TACO1: variants seen among roughly 807,000 people sequenced by gnomAD.
The protein encoded by TACO1 is translational activator of cytochrome c oxidase I, also known as translational activator of cytochrome c oxidase 1.
A neutral mutation model predicts 24.0 loss-of-function variants in TACO1; 13 were observed. That is an observed-to-expected ratio of 0.54 (90% confidence interval 0.35 to 0.86). TACO1 has a LOEUF of 0.86. Ranked by LOEUF, TACO1 falls within the 40% of genes least tolerant of loss-of-function variation. The pLI is 0.01. For synonymous variants in TACO1, 149 were observed against 153.5 expected (o/e 0.97, Z 0.22); for missense variants, 352 against 380.1 (o/e 0.93, Z 0.61).
chr17:63,601,547 C>T (rs2147786344), intron 1 of TACO1, among the ~76,000 whole-genome samples, 184 bp downstream of exon 1: 1 of 152,330 alleles, frequency 6.6e-6, no homozygotes, highest in East Asian at 1.9e-4. Context: ...GAGGTTCTCA[C>T]TCACTTTTCC....
chr17:63,607,891 C>A lies in TACO1; in HGVS notation c.783C>A (p.Ile261=), dbSNP rs757431723. The change falls in exon 5 of 5, where the codon ATC becomes ATA. Residue 261 remains isoleucine (I), a synonymous_variant. Transcript: ENST00000258975. ...LCSVSCALEF[I]PNSKVQLAEP... is the part of the protein sequence containing the mutation. ...CTGTGTCCTGTGCACTAGAGTTCAT[C>A]CCCAACTCAAAGGTGCAGCTGGCTG... 6 of 1,614,232 alleles carry A rather than the reference C, an allele frequency of 3.7e-6. No homozygotes were observed. Among genetic ancestry groups the A allele is most frequent in the African/African-American group, 1.3e-5 (1 of 75,060 alleles).
At chr17:63,601,386 G>T (rs758722515) in intron 1 of TACO1, 23 bp downstream of exon 1, 1 of 1,609,306 alleles carries the variant, frequency 6.2e-7, no homozygotes, top group South Asian at 1.1e-5. Flanking sequence ...CGGTCACCCA[G>T]CACTGGCTGC....
chr17:63,601,416 G>T, intron 1 of TACO1, 53 bp downstream of exon 1: 1 of 1,593,876 alleles, frequency 6.3e-7, no homozygotes, highest in Non-Finnish European at 8.5e-7. Flanking sequence ...CTCAGTGCCC[G>T]CAGCCTCGCT....
In TACO1 at chr17:63,606,336, G is replaced by A. The variant is rs1004127096; in HGVS notation, c.411G>A (p.Leu137=). The change falls in exon 3 of 5, where the codon CTG becomes CTA. Residue 137 remains leucine, a synonymous_variant. Transcript: ENST00000258975. ...KMEKSKDTYL[L]YEGRGPGGSS... ...AGAAATCCAAGGACACTTATTTGCT[G>A]TATGAGGGTCGAGGCCCTGGTGGCT... 12 of 1,613,736 alleles carry A rather than the reference G, an allele frequency of 7.4e-6. No individual in the cohort carries two copies. Among genetic ancestry groups the A allele is most frequent in the Admixed American group, 3.3e-5 (2 of 60,000 alleles).
chr17:63,607,071 A>G (rs1172122651), intron 3 of TACO1: 11 of 599,492 alleles, frequency 1.8e-5, no homozygotes, highest in Non-Finnish European at 3.0e-5. Context: ...CTTCCTCCCA[A>G]CTGCAATCAG....
chr17:63,603,275 A>G (rs1161840738), intron 1 of TACO1, among the ~76,000 whole-genome samples: 1 of 152,084 alleles, frequency 6.6e-6, no homozygotes, highest in Middle Eastern at 3.2e-3. Flanking sequence ...AAAAATAATT[A>G]TTATGCACAA....
chr17:63,607,218 T>A (rs1012515662), intron 3 of TACO1, 69 bp from the exon 4 acceptor site: 2 of 1,384,304 alleles, frequency 1.4e-6, no homozygotes, highest in African/African-American at 2.8e-5. Context: ...AGTGATAGAA[T>A]GATGAGCTTT....
Position 63,608,219 on chromosome 17 carries a change from C to T in TACO1, c.*217C>T, listed in dbSNP as rs1420190814. On this transcript the variant is annotated 3_prime_UTR_variant, in exon 5 of 5. Coordinates refer to ENST00000258975, the MANE Select transcript of TACO1 (RefSeq NM_016360.4). Reference sequence around the variant, plus strand: ...TCTCAGAGCCATCTGGATGAGTGTCCCGACACCCTCTCGGATGCAGGGCAG... The same window carrying T: ...TCTCAGAGCCATCTGGATGAGTGTCTCGACACCCTCTCGGATGCAGGGCAG... The T allele has an allele frequency of 4.9e-6, 3 of 615,990 alleles. No individual in the cohort carries two copies. Among genetic ancestry groups the T allele is most frequent in the Non-Finnish European group, 8.7e-6 (3 of 343,032 alleles). 38.2% of individuals were successfully genotyped at this position (615,990 alleles called of 1,614,324 possible).
chr17:63,605,624 C>T (rs1390506868), intron 2 of TACO1, among the ~76,000 whole-genome samples: 3 of 152,176 alleles, frequency 2.0e-5, no homozygotes, highest in Non-Finnish European at 4.4e-5. Flanking sequence ...AACCGTTATG[C>T]TTATTGCCTT....
In TACO1 at chr17:63,606,377, A is replaced by C. The variant is rs1478656371; in HGVS notation, c.452A>C (p.Glu151Ala). 2 of 1,614,144 alleles carry C rather than the reference A, an allele frequency of 1.2e-6. No homozygotes were observed. The highest frequency in any genetic ancestry group is 3.3e-5 in the Admixed American group (2 of 60,012). ...RGPGGSSLLI[E>A]ALSNSSHKCQ... ...CCTGGTGGCTCTTCTCTGCTCATCG[A>C]GGCATTATCTAACAGTAGCCACAAG... The change falls in exon 3 of 5, where the codon GAG becomes GCG. Residue 151 changes from glutamate (E) to alanine (A), a missense_variant. Transcript: ENST00000258975.
rs1360668401 is a variant in TACO1, at chr17:63,602,280, A to AG, written c.280+917_280+918insG. On this transcript the variant is annotated intron_variant, in intron 1 of 4. Transcript: ENST00000258975. ...TCCATCTCAAAAAAAAAAAAAAAAA[A>AG]AGAGAGAGAAACTGTGGACTTTGGA... Among the ~76,000 whole-genome samples the AG allele has an allele frequency of 6.6e-3, 994 of 149,724 alleles. 18 individuals carry two copies. Among genetic ancestry groups the AG allele is most frequent in the African/African-American group, 0.024 (958 of 39,980 alleles).
At position 63,608,002 on chromosome 17, in the gene TACO1, A is replaced by G. The variant is rs1362799884; in HGVS notation, c.894A>G (p.Ter298=). 2 of 1,614,022 alleles carry G rather than the reference A, an allele frequency of 1.2e-6. No homozygotes were observed. Among genetic ancestry groups the G allele is most frequent in the South Asian group, 1.1e-5 (1 of 91,068 alleles). ...TTCACGTCTATGATAACATTGAATA[A>G]CCAGGCTACATGTGCCCCCGGGTTC... ...DVIHVYDNIE[*] is the part of the protein sequence containing the mutation. The change falls in exon 5 of 5, where the codon TAA becomes TAG. Residue 298 remains the stop codon, a stop_retained_variant. Transcript: ENST00000258975.
intron 4 of TACO1, 134 bp downstream of exon 4, chr17:63,607,598 A>G (rs2033872865): frequency 4.8e-6 from 5 of 1,034,500 alleles, no homozygotes; most frequent in Non-Finnish European, 7.4e-6. Context: ...ACAAACATTT[A>G]TTAAGTGAAT....
rs373477939 is a variant in TACO1, at chr17:63,601,677, A to T, written c.280+314A>T. ...GTACTTAATAGAAACAAGCCCTAAGAGTCAGGGCAGATGTGTGTCTCTCCT... is the reference window on the plus strand; with the variant it reads ...GTACTTAATAGAAACAAGCCCTAAGTGTCAGGGCAGATGTGTGTCTCTCCT... On this transcript the variant is annotated intron_variant, in intron 1 of 4. Transcript: ENST00000258975. Among the ~76,000 whole-genome samples, 11 of 152,292 alleles carry T rather than the reference A, an allele frequency of 7.2e-5. No homozygotes were observed. The South Asian group carries it at 2.1e-3, about 29-fold the overall frequency.
At chr17:63,603,948 G>A (rs1002141972) in intron 1 of TACO1, among the ~76,000 whole-genome samples, 5 of 151,842 alleles carry the variant, frequency 3.3e-5, no homozygotes, top group African/African-American at 9.7e-5. Flanking sequence ...GAACCCTGGA[G>A]GTTGAGGCTA....
At chr17:63,601,501 C>A in intron 1 of TACO1, 138 bp downstream of exon 1, 2 of 957,312 alleles carry the variant, frequency 2.1e-6, no homozygotes, top group Non-Finnish European at 3.2e-6. Flanking sequence ...CACCATTGCC[C>A]ACCTCATAAA....
Position 63,608,272 on chromosome 17 carries a change from TTGGGTAGCTGGCCTCTG to T in TACO1, c.*275_*291del, listed in dbSNP as rs59132671. The T allele has an allele frequency of 6.8e-3, 3,495 of 517,198 alleles. 88 individuals carry two copies. Among genetic ancestry groups the T allele is most frequent in the African/African-American group, 0.06 (3,151 of 52,090 alleles). The allele number at this position is 517,198 out of a possible 1,614,324, so 32.0% of individuals were successfully genotyped here. On this transcript the variant is annotated 3_prime_UTR_variant, in exon 5 of 5. Coordinates refer to ENST00000258975, the MANE Select transcript of TACO1 (RefSeq NM_016360.4). ...CCACCCAGCTGGTCAGACTCTGATG[TTGGGTAGCTGGCCTCTG>T]TGGGGATTGTAAGTGCCCTGAGGCG... is the stretch of plus-strand genomic sequence containing the variant.
chr17:63,605,721 G>C (rs1197912812), intron 2 of TACO1, among the ~76,000 whole-genome samples: 1 of 152,182 alleles, frequency 6.6e-6, no homozygotes, highest in Non-Finnish European at 1.5e-5. Context: ...GAAAGAGGAA[G>C]GGAGAAGTTA....
Position 63,601,181 on chromosome 17 carries a change from G to T in TACO1, c.98G>T (p.Arg33Leu), listed in dbSNP as rs863224231. ...GVRAAPPRDP[R>L]PSHPEPRGCG... ...AGGGCGGCTCCTCCGCGCGACCCCC[G>T]GCCCTCCCACCCCGAGCCCCGGGGC... Residue 33 changes from arginine to leucine, a missense_variant, in exon 1 of 5, where the codon CGG becomes CTG. Physicochemically the swap from Arg to Leu is moderately radical, Grantham distance 102. Transcript: ENST00000258975. The T allele has an allele frequency of 1.9e-6, 3 of 1,549,474 alleles. No individual in the cohort carries two copies. In the African/African-American group the frequency reaches 4.1e-5, roughly 21 times the overall value.
Sources: allele counts gnomAD v4.1 joint callset (sites outside exome capture counted in the v4.1 genomes callset), GRCh38; gene constraint gnomAD v4.1.1; transcripts MANE v1.5; gene names NCBI Gene and HGNC (gene_info 2026-07-23, HGNC 2026-07-21).